The following UTRN variants were observed in gnomAD, a reference collection of about 807,000 sequenced individuals.
UTRN encodes the protein utrophin, also known as dystrophin-related protein 1.
Under a neutral mutation model 463.9 loss-of-function variants are expected in UTRN, and 283 were observed. The ratio of observed to expected loss-of-function variants is 0.61; its 90% CI spans 0.55 to 0.67. UTRN has a LOEUF of 0.67. Ranked by LOEUF, UTRN falls within the 30% of genes least tolerant of loss-of-function variation. The pLI, the probability that UTRN is intolerant of heterozygous loss-of-function variation, is 0.00. For missense variants in UTRN, 3,922 were observed against 4,084.3 expected (o/e 0.96, Z 1.08); for synonymous variants, 1,442 against 1,431.5 (o/e 1.01, Z -0.17).
chr6:144,286,886 C>G lies in UTRN; in HGVS notation c.-93+1065C>G, dbSNP rs1803722806. Among the ~76,000 whole-genome samples the G allele has an allele frequency of 6.6e-6, 1 of 152,198 alleles. No homozygotes were observed. Among genetic ancestry groups the G allele is most frequent in the Admixed American group, 6.5e-5 (1 of 15,280 alleles). On this transcript the variant is annotated intron_variant, in intron 1 of 74. Coordinates refer to ENST00000367545, the MANE Select transcript of UTRN (RefSeq NM_007124.3). This position sits in a 1 kb window ranked among gnomAD's most constrained non-coding sequence, Gnocchi z 4.4. ...CAGGACAGGGCCTCCTCTTTCCCAG[C>G]CTTCAGGTCAGCCGGATCACCAGGG...
rs144653675 is a variant in UTRN at position 144,523,876 on chromosome 6, T to G, written c.5906+688T>G. On this transcript the variant is annotated intron_variant, in intron 41 of 74. Transcript: ENST00000367545. The stretch of plus-strand genomic sequence containing the variant: ...TCCATATATAGTACCAAACTCTTTT[T>G]TATAGCCTTCTGTTTAAATGAATGC... Among the ~76,000 whole-genome samples the G allele has an allele frequency of 1.6e-4, 24 of 152,326 alleles. No individual in the cohort carries two copies. In the East Asian group the frequency reaches 4.4e-3, roughly 28 times the overall value.
chr6:144,829,078 C>T (rs963151098), intron 69 of UTRN, among the ~76,000 whole-genome samples: 1 of 152,108 alleles, frequency 6.6e-6, no homozygotes, highest in African/African-American at 2.4e-5. Flanking sequence ...AAAAATCTTA[C>T]ATTTGTCAAC....
intron 19 of UTRN, among the ~76,000 whole-genome samples, chr6:144,458,386 C>A (rs1789085325): frequency 6.6e-6 from 1 of 152,050 alleles, no homozygotes; most frequent in African/African-American, 2.4e-5. Flanking sequence ...TTTCTTAGGA[C>A]AAAGGGTCTT....
intron 42 of UTRN, among the ~76,000 whole-genome samples, chr6:144,531,994 G>A (rs576226420): frequency 4.6e-5 from 7 of 152,074 alleles, no homozygotes; most frequent in South Asian, 2.1e-4. Context: ...AAAATTAGCC[G>A]GGCATGGTGG....
chr6:144,370,211 C>T (rs1779858814), intron 2 of UTRN, among the ~76,000 whole-genome samples: 1 of 152,170 alleles, frequency 6.6e-6, no homozygotes, highest in South Asian at 2.1e-4. Context: ...TTCACGGCAG[C>T]CCCTCCCATC....
chr6:144,842,592 C>T (rs1781681888), intron 73 of UTRN, among the ~76,000 whole-genome samples: 1 of 152,068 alleles, frequency 6.6e-6, no homozygotes, highest in South Asian at 2.1e-4. Flanking sequence ...CTCAAAACAA[C>T]AACAACAACA....
intron 2 of UTRN, chr6:144,330,924 G>C: frequency 1.0e-6 from 1 of 985,376 alleles, no homozygotes; most frequent in Non-Finnish European, 1.2e-6. Context: ...TGTTGGTTTG[G>C]GAGTCTTAAC....
intron 13 of UTRN, among the ~76,000 whole-genome samples, 179 bp from the exon 14 acceptor site, chr6:144,444,102 T>A (rs182343098): frequency 6.6e-4 from 101 of 152,352 alleles, no homozygotes; most frequent in African/African-American, 2.4e-3. Flanking sequence ...TGGAAATTAG[T>A]TTTTCTGATT....
At chr6:144,754,877 T>A in intron 57 of UTRN, 79 bp downstream of exon 57, 2 of 1,357,632 alleles carry the variant, frequency 1.5e-6, no homozygotes. Context: ...AGAAGCCGTA[T>A]TCCTTGCTAT....
At chr6:144,338,346 A>C (rs566634524) in intron 2 of UTRN, among the ~76,000 whole-genome samples, 5 of 152,166 alleles carry the variant, frequency 3.3e-5, no homozygotes, top group South Asian at 2.1e-4. Context: ...TAAAAAAAAA[A>C]CCCGACATGC....
chr6:144,842,567 C>T (rs888862009), intron 73 of UTRN, among the ~76,000 whole-genome samples: 4 of 151,996 alleles, frequency 2.6e-5, no homozygotes, highest in Non-Finnish European at 4.4e-5. Flanking sequence ...TCAGCCTGGG[C>T]AACAGAGACT....
At chr6:144,298,825 TTG>T (rs1400769614) in intron 2 of UTRN, among the ~76,000 whole-genome samples, 1 of 152,160 alleles carries the variant, frequency 6.6e-6, no homozygotes. Context: ...AAATATGACT[TTG>T]TGTCTCTAAA....
intron 54 of UTRN, among the ~76,000 whole-genome samples, 187 bp downstream of exon 54, chr6:144,730,673 T>C (rs1788426718): frequency 6.6e-6 from 1 of 152,104 alleles, no homozygotes. Flanking sequence ...GAAAATAAAA[T>C]TTTTGTATAC....
chr6:144,289,718 G>A (rs529249113), intron 1 of UTRN, among the ~76,000 whole-genome samples: 10 of 151,826 alleles, frequency 6.6e-5, no homozygotes, highest in Non-Finnish European at 1.3e-4. Flanking sequence ...GCACAATTTC[G>A]GCTCACTGTA....
At chr6:144,573,232 AT>A (rs1801120705) in intron 50 of UTRN, among the ~76,000 whole-genome samples, 1 of 151,950 alleles carries the variant, frequency 6.6e-6, no homozygotes, top group South Asian at 2.1e-4. Flanking sequence ...TTTCTTGTAA[AT>A]TGTTTAACCG....
intron 51 of UTRN, among the ~76,000 whole-genome samples, chr6:144,592,246 C>T (rs980887282): frequency 2.6e-5 from 4 of 152,146 alleles, no homozygotes; most frequent in African/African-American, 9.7e-5. Context: ...CCAATGTTCT[C>T]ATGATAAATA....
intron 46 of UTRN, among the ~76,000 whole-genome samples, chr6:144,547,099 T>G (rs1028572362): frequency 6.6e-6 from 1 of 152,220 alleles, no homozygotes; most frequent in Middle Eastern, 3.2e-3. Context: ...CAGATGTCAC[T>G]TTTCTGATGG....
At chr6:144,367,543 A>G (rs1244446950) in intron 2 of UTRN, among the ~76,000 whole-genome samples, 1 of 152,034 alleles carries the variant, frequency 6.6e-6, no homozygotes, top group East Asian at 1.9e-4. Flanking sequence ...TTTCTGAAAA[A>G]CTCAAGTTAC....
At chr6:144,783,735 G>T (rs187814637) in intron 61 of UTRN, among the ~76,000 whole-genome samples, 1 of 151,800 alleles carries the variant, frequency 6.6e-6, no homozygotes, top group South Asian at 2.1e-4. Context: ...CTCCTCTCTC[G>T]ATTTTTTTTA....
Sources: gnomAD v4.1 joint callset for allele counts (sites outside exome capture counted in the v4.1 genomes callset) on GRCh38, gnomAD v4.1.1 for gene constraint, Gnocchi (gnomAD v3.1) non-coding constraint, MANE v1.5 for transcripts, NCBI Gene and HGNC (gene_info 2026-07-23, HGNC 2026-07-21) for gene names.